ZNRF2: variants seen among roughly 807,000 people sequenced by gnomAD.
The protein encoded by ZNRF2 is E3 ubiquitin-protein ligase ZNRF2.
In ZNRF2, 16 loss-of-function variants were observed where a neutral mutation model predicts 20.4. That is an observed-to-expected ratio of 0.79 (90% CI 0.53 to 1.19). The LOEUF (loss-of-function observed/expected upper bound fraction) is 1.19, where lower values mean the gene tolerates loss of function less well. Among genes scored for constraint, ZNRF2 ranks in the 50% most tolerant of loss-of-function variants. ZNRF2 has a pLI of 0.00. For missense variants in ZNRF2, 363 were observed against 332.4 expected (o/e 1.09, Z -0.72); for synonymous variants, 178 against 144.9 (o/e 1.23, Z -1.64).
chr7:30,311,535 A>G (rs945876270), intron 1 of ZNRF2, among the ~76,000 whole-genome samples: 8 of 152,156 alleles, frequency 5.3e-5, no homozygotes, highest in Non-Finnish European at 7.4e-5. Context: ...GTGAGCCCCA[A>G]TGGGAAAGAA....
At chr7:30,343,307 T>C (rs1799825233) in intron 2 of ZNRF2, among the ~76,000 whole-genome samples, 1 of 152,116 alleles carries the variant, frequency 6.6e-6, no homozygotes. Flanking sequence ...AGAGCAAGAC[T>C]GTCTCTGAAA....
intron 1 of ZNRF2, among the ~76,000 whole-genome samples, chr7:30,290,941 ATTGAATT>A: frequency 6.6e-6 from 1 of 152,248 alleles, no homozygotes; most frequent in Non-Finnish European, 1.5e-5. Context: ...TCAACTCTCC[ATTGAATT>A]TGAGAGATGG....
intron 4 of ZNRF2, 65 bp from the exon 5 acceptor site, chr7:30,365,966 TAGTA>T (rs1800207536): frequency 6.6e-6 from 1 of 152,166 alleles, no homozygotes; most frequent in Non-Finnish European, 1.5e-5. Flanking sequence ...GTTTTCAGAA[TAGTA>T]AGTAAGGGTA....
At chr7:30,351,542 C>G (rs930969221) in intron 2 of ZNRF2, among the ~76,000 whole-genome samples, 5 of 151,844 alleles carry the variant, frequency 3.3e-5, no homozygotes, top group African/African-American at 4.8e-5. Flanking sequence ...GTATTTAAAA[C>G]TTAGTTGTTT....
chr7:30,318,927 C>G (rs1799418689), intron 1 of ZNRF2, among the ~76,000 whole-genome samples: 1 of 152,084 alleles, frequency 6.6e-6, no homozygotes, highest in Non-Finnish European at 1.5e-5. Context: ...ACCTGGCCAA[C>G]ATGGCAAAAC....
intron 2 of ZNRF2, among the ~76,000 whole-genome samples, chr7:30,344,235 CT>C (rs548015005): frequency 0.11 from 15,749 of 138,542 alleles, 1,955 homozygotes; most frequent in African/African-American, 0.32. Flanking sequence ...GCTCTTGTTT[CT>C]TTTTTTTTTT....
At chr7:30,306,951 A>G (rs1799216237) in intron 1 of ZNRF2, among the ~76,000 whole-genome samples, 1 of 152,092 alleles carries the variant, frequency 6.6e-6, no homozygotes, top group Non-Finnish European at 1.5e-5. Context: ...CATAGATTTA[A>G]TATTATGTTG....
At chr7:30,361,055 A>G (rs1800118723) in intron 3 of ZNRF2, among the ~76,000 whole-genome samples, 2 of 152,252 alleles carry the variant, frequency 1.3e-5, no homozygotes, top group Non-Finnish European at 2.9e-5. Context: ...TTACTTTCTC[A>G]TGATGAGCCA....
chr7:30,338,273 C>T (rs1427994091), intron 2 of ZNRF2, among the ~76,000 whole-genome samples: 3 of 150,438 alleles, frequency 2.0e-5, no homozygotes, highest in Non-Finnish European at 3.0e-5. Context: ...AGATGCTGTG[C>T]CCATTTTTTT....
chr7:30,305,971 G>A (rs1276716693), intron 1 of ZNRF2, among the ~76,000 whole-genome samples: 1 of 152,138 alleles, frequency 6.6e-6, no homozygotes, highest in Non-Finnish European at 1.5e-5. Flanking sequence ...TAGTGTAGTG[G>A]TTTTGATTTT....
chr7:30,287,543 A>C (rs1223184819), intron 1 of ZNRF2, among the ~76,000 whole-genome samples: 1 of 152,240 alleles, frequency 6.6e-6, no homozygotes, highest in Non-Finnish European at 1.5e-5. Context: ...CATTCTATTC[A>C]GAGCAAGAGA....
At chr7:30,321,534 A>G (rs1352792881) in intron 1 of ZNRF2, among the ~76,000 whole-genome samples, 4 of 152,140 alleles carry the variant, frequency 2.6e-5, no homozygotes, top group African/African-American at 7.2e-5. Context: ...GTATTTAACT[A>G]GAAATCCAGG....
At chr7:30,314,857 C>G (rs1799344781) in intron 1 of ZNRF2, among the ~76,000 whole-genome samples, 2 of 151,276 alleles carry the variant, frequency 1.3e-5, no homozygotes, top group Admixed American at 1.3e-4. Flanking sequence ...CATTCTGTCA[C>G]CCAGGCTGGA....
intron 1 of ZNRF2, among the ~76,000 whole-genome samples, chr7:30,320,581 C>T (rs1460096222): frequency 6.6e-6 from 1 of 152,062 alleles, no homozygotes; most frequent in African/African-American, 2.4e-5. Context: ...CATAATGAAA[C>T]TCGGTGGTGC....
intron 2 of ZNRF2, among the ~76,000 whole-genome samples, chr7:30,339,077 G>T (rs1799758086): frequency 6.6e-6 from 1 of 152,104 alleles, no homozygotes; most frequent in African/African-American, 2.4e-5. Context: ...CTTTTTTTGA[G>T]AAGTGTCTGT....
At chr7:30,299,299 A>T (rs1799069751) in intron 1 of ZNRF2, among the ~76,000 whole-genome samples, 1 of 151,982 alleles carries the variant, frequency 6.6e-6, no homozygotes, top group Non-Finnish European at 1.5e-5. Context: ...CATGCCTGTA[A>T]TCCCAGCGAC....
chr7:30,342,320 T>C (rs1424156503), intron 2 of ZNRF2, among the ~76,000 whole-genome samples: 1 of 152,200 alleles, frequency 6.6e-6, no homozygotes, highest in African/African-American at 2.4e-5. Flanking sequence ...TTCTTCATAG[T>C]GTTGATGGTG....
chr7:30,291,434 A>G (rs1452955877), intron 1 of ZNRF2, among the ~76,000 whole-genome samples: 1 of 152,186 alleles, frequency 6.6e-6, no homozygotes, highest in Non-Finnish European at 1.5e-5. Context: ...GTTCTTAAGG[A>G]GGAGAGTGTG....
chr7:30,325,308 A>G (rs1293799807), intron 2 of ZNRF2, among the ~76,000 whole-genome samples: 2 of 152,208 alleles, frequency 1.3e-5, no homozygotes, highest in African/African-American at 4.8e-5. Context: ...ACCAGTAAAC[A>G]CTATAGCCAA....
Sources: gnomAD v4.1 joint callset for allele counts (sites outside exome capture counted in the v4.1 genomes callset) on GRCh38, gnomAD v4.1.1 for gene constraint, MANE v1.5 for transcripts, NCBI Gene and HGNC (gene_info 2026-07-23, HGNC 2026-07-21) for gene names.